MALRD1: variants seen among roughly 807,000 people sequenced by gnomAD.
MALRD1 encodes the protein MAM and LDL-receptor class A domain-containing protein 1.
MALRD1 carries 247 observed loss-of-function variants against 242.1 expected under a neutral mutation model. The ratio of observed to expected loss-of-function variants is 1.02; its 90% confidence interval spans 0.92 to 1.13. The LOEUF is 1.13. Ranked by LOEUF, MALRD1 falls within the 50% of genes most tolerant of loss-of-function variation. MALRD1 has a pLI of 0.00. For missense variants in MALRD1, 2,989 were observed against 2,533.1 expected (o/e 1.18, Z -3.86); for synonymous variants, 995 against 866.6 (o/e 1.15, Z -2.60).
At chr10:19,356,216 T>G (rs1844632596) in intron 26 of MALRD1, among the ~76,000 whole-genome samples, 1 of 151,960 alleles carries the variant, frequency 6.6e-6, no homozygotes, top group Non-Finnish European at 1.5e-5. Context: ...CAGAACATCT[T>G]TCTTGGAGAG....
intron 2 of MALRD1, among the ~76,000 whole-genome samples, chr10:19,084,845 A>G (rs1268065222): frequency 6.6e-6 from 1 of 152,042 alleles, no homozygotes; most frequent in African/African-American, 2.4e-5. Flanking sequence ...ACTATAAATG[A>G]AATTATGCTA....
chr10:19,189,626 T>G (rs1835888788), intron 14 of MALRD1, among the ~76,000 whole-genome samples: 1 of 152,168 alleles, frequency 6.6e-6, no homozygotes, highest in South Asian at 2.1e-4. Flanking sequence ...AGTGGGATTT[T>G]TTTCCTGGAA....
intron 18 of MALRD1, among the ~76,000 whole-genome samples, chr10:19,249,860 T>A (rs1342777950): frequency 6.6e-6 from 1 of 151,432 alleles, no homozygotes; most frequent in East Asian, 1.9e-4. Context: ...TTAAGTCGAG[T>A]TTAAATCGAT....
rs144725498 is a variant in MALRD1, at chr10:19,518,847, C to T, written c.5321-12347C>T. ...GCAATTGCCATTCATGAATCACTCA[C>T]AACCACAGTGAAAATTATGACCATC... On this transcript the variant is annotated intron_variant, in intron 31 of 39. Transcript: ENST00000454679. Among the ~76,000 whole-genome samples the T allele has an allele frequency of 2.1e-3, 320 of 152,298 alleles. 1 individual carries two copies. Among genetic ancestry groups the T allele is most frequent in the Middle Eastern group, 6.8e-3 (2 of 294 alleles).
At position 19,146,216 on chromosome 10, in the gene MALRD1, A is replaced by G. The variant is rs1221804684; in HGVS notation, c.1430A>G (p.Asp477Gly). Residue 477 changes from aspartate (D) to glycine (G), a missense_variant, in exon 11 of 40, where the codon GAC becomes GGC. Transcript: ENST00000454679. Reference sequence around the variant, plus strand: ...GTAACAGCAAAGCATCTCACCTGTGACTTTGAGTCGGGTTTCTGCGGTTGG... The same window carrying G: ...GTAACAGCAAAGCATCTCACCTGTGGCTTTGAGTCGGGTTTCTGCGGTTGG... ...PATCSKHLTC[D>G]FESGFCGWEP... 1.6e-6 allele frequency: 2 copies of G among 1,231,560 alleles called. No homozygotes were observed. The highest frequency in any genetic ancestry group is 6.3e-5 in the East Asian group (2 of 31,694). The allele number at this position is 1,231,560 out of a possible 1,614,324, so 76.3% of individuals were successfully genotyped here. A position where few individuals can be genotyped will look rare whatever the true frequency, so the allele number is the denominator to read the frequency against.
At chr10:19,731,267 G>C (rs1295430281) in intron 39 of MALRD1, among the ~76,000 whole-genome samples, 4 of 152,138 alleles carry the variant, frequency 2.6e-5, no homozygotes, top group African/African-American at 9.7e-5. Flanking sequence ...ATCTTCCTTG[G>C]CCCTTTTTGG....
intron 18 of MALRD1, among the ~76,000 whole-genome samples, chr10:19,239,979 G>A (rs1838684861): frequency 6.6e-6 from 1 of 151,946 alleles, no homozygotes; most frequent in African/African-American, 2.4e-5. Context: ...TTGGTTATTT[G>A]GGGCCTTTTC....
At chr10:19,427,022 C>T (rs1305575013) in intron 28 of MALRD1, among the ~76,000 whole-genome samples, 1 of 152,162 alleles carries the variant, frequency 6.6e-6, no homozygotes, top group Non-Finnish European at 1.5e-5. Flanking sequence ...ATGCTGACAC[C>T]TAAGTCAGTG....
chr10:19,219,692 G>T (rs1837477701), intron 18 of MALRD1, among the ~76,000 whole-genome samples: 1 of 152,110 alleles, frequency 6.6e-6, no homozygotes, highest in Non-Finnish European at 1.5e-5. Context: ...CCAGAGTGTT[G>T]GGATTACAGG....
chr10:19,428,814 C>G (rs1393966483), intron 28 of MALRD1, among the ~76,000 whole-genome samples: 1 of 152,176 alleles, frequency 6.6e-6, no homozygotes, highest in East Asian at 1.9e-4. Context: ...TAGCTGTAGA[C>G]TCTTTTAGAT....
In MALRD1 at chr10:19,062,194, A is replaced by G. The variant is rs564517652; in HGVS notation, c.200-4525A>G. 2.0e-5 allele frequency among the ~76,000 whole-genome samples: 3 copies of G among 152,320 alleles called. No individual in the cohort carries two copies. The East Asian group carries it at 5.8e-4, about 29-fold the overall frequency. On this transcript the variant is annotated intron_variant, in intron 1 of 39. Coordinates refer to ENST00000454679, the MANE Select transcript of MALRD1 (RefSeq NM_001142308.3). ...TACTCAACATTGTTCATCATTAGGG[A>G]AATACAAATAAAAACCACAATGAGA...
chr10:19,136,809 A>G (rs1833358726), intron 10 of MALRD1, 28 bp downstream of exon 10: 5 of 1,211,504 alleles, frequency 4.1e-6, no homozygotes, highest in Non-Finnish European at 5.2e-6. Flanking sequence ...TTACTAGTTT[A>G]CATGCTCTAA....
chr10:19,344,730 G>A (rs976424419), intron 24 of MALRD1, among the ~76,000 whole-genome samples: 3 of 148,452 alleles, frequency 2.0e-5, no homozygotes, highest in African/African-American at 7.4e-5. Flanking sequence ...TGGGGGGGGG[G>A]AGTCATATTT....
intron 20 of MALRD1, among the ~76,000 whole-genome samples, chr10:19,281,172 A>T (rs1161825410): frequency 1.3e-5 from 2 of 152,204 alleles, no homozygotes; most frequent in African/African-American, 4.8e-5. Context: ...ATCAAAGCTG[A>T]CTCACTTCAT....
intron 18 of MALRD1, among the ~76,000 whole-genome samples, chr10:19,248,763 C>G (rs1403078418): frequency 1.3e-5 from 2 of 151,158 alleles, no homozygotes; most frequent in Admixed American, 1.3e-4. Context: ...TTATTCAAAT[C>G]TAAACTAAGA....
chr10:19,097,936 C>G (rs1297881510), intron 4 of MALRD1, among the ~76,000 whole-genome samples: 1 of 152,070 alleles, frequency 6.6e-6, no homozygotes, highest in African/African-American at 2.4e-5. Flanking sequence ...ATGTATTGTA[C>G]CTAGGGTGGA....
chr10:19,334,879 A>G (rs1301658103), intron 24 of MALRD1, among the ~76,000 whole-genome samples: 3 of 152,100 alleles, frequency 2.0e-5, no homozygotes, highest in Non-Finnish European at 4.4e-5. Context: ...TTTCCAGTGT[A>G]TCTCTTTCCT....
chr10:19,491,331 T>G (rs888674283), intron 29 of MALRD1, 186 bp from the exon 30 acceptor site: 4 of 745,486 alleles, frequency 5.4e-6, no homozygotes, highest in African/African-American at 5.3e-5. Context: ...AAGTAGAGTC[T>G]ATATAACTTG....
intron 28 of MALRD1, among the ~76,000 whole-genome samples, chr10:19,433,950 A>C (rs1308818929): frequency 6.6e-6 from 1 of 152,134 alleles, no homozygotes; most frequent in Non-Finnish European, 1.5e-5. Flanking sequence ...TGAAAGAGAA[A>C]CTACACTGTC....
Sources: allele counts gnomAD v4.1 joint callset (sites outside exome capture counted in the v4.1 genomes callset), GRCh38; gene constraint gnomAD v4.1.1; transcripts MANE v1.5; gene names NCBI Gene and HGNC (gene_info 2026-07-23, HGNC 2026-07-21).